Variants in AQP10 observed in about 807,000 individuals in gnomAD.
AQP10 encodes the protein aquaporin 10, also known as aquaporin-10.
AQP10 carries 15 observed loss-of-function variants against 21.0 expected under a neutral mutation model. The ratio of observed to expected loss-of-function variants is 0.71; its 90% confidence interval spans 0.48 to 1.10. The LOEUF (loss-of-function observed/expected upper bound fraction) is 1.10. AQP10 is among the 50% of genes least tolerant of loss of function. The pLI, the probability that AQP10 is intolerant of heterozygous loss-of-function variation, is 0.00. For synonymous variants in AQP10, 143 were observed against 155.7 expected, an observed-to-expected ratio of 0.92 and a Z score of 0.61; for missense variants, 268 against 379.5, an observed-to-expected ratio of 0.71 and a Z score of 2.44.
At chr1:154,322,427 T>C (rs554964391) in intron 2 of AQP10, among the ~76,000 whole-genome samples, 1 of 151,730 alleles carries the variant, frequency 6.6e-6, no homozygotes, top group East Asian at 1.9e-4. Flanking sequence ...TGAGACATAG[T>C]GTGTTGCTGT....
chr1:154,323,821 C>G lies in AQP10; in HGVS notation c.707+15C>G. ...GAAGTCTTCAGGTGGGAGACAGACT[C>G]TCCTGGTGCTGGCCTCCACTCACCT... On this transcript the variant is annotated intron_variant, in intron 5 of 5. Coordinates refer to ENST00000324978, the MANE Select transcript of AQP10 (RefSeq NM_080429.3). This position sits in a 1 kb window ranked among gnomAD's most constrained non-coding sequence, Gnocchi z 4.5. The G allele has an allele frequency of 2.5e-6, 4 of 1,612,728 alleles. No individual in the cohort carries two copies. Among genetic ancestry groups the G allele is most frequent in the Non-Finnish European group, 3.4e-6 (4 of 1,179,382 alleles).
chr1:154,323,689 T>C lies in AQP10; in HGVS notation c.590T>C (p.Leu197Pro). Reference sequence around the variant, plus strand: ...CTGGAGCCTGTGGTGGTGGGGATGCTGATCCTGGCCCTCGGGTTATCCATG... The same window carrying C: ...CTGGAGCCTGTGGTGGTGGGGATGCCGATCCTGGCCCTCGGGTTATCCATG... ...AGLEPVVVGM[L>P]ILALGLSMGA... Residue 197 changes from leucine (L) to proline (P), a missense_variant, in exon 5 of 6, where the codon CTG (leucine) becomes CCG (proline). Transcript: ENST00000324978. This position sits in a 1 kb window ranked among gnomAD's most constrained non-coding sequence, Gnocchi z 4.5. 1 of 1,614,214 alleles carries C rather than the reference T, an allele frequency of 6.2e-7. No homozygotes were observed. Among genetic ancestry groups the C allele is most frequent in the Non-Finnish European group, 8.5e-7 (1 of 1,180,036 alleles).
chr1:154,323,303 A>C lies in AQP10; in HGVS notation c.433A>C (p.Ile145Leu). The change falls in exon 4 of 6, where the codon ATT (isoleucine) becomes CTT (leucine). Residue 145 changes from isoleucine (I) to leucine (L), a missense_variant. By Grantham distance (5) the Ile-to-Leu change is conservative. This residue lies in a region of AQP10 where 229 missense variants were observed against 295.1 expected (regional missense o/e 0.78). Coordinates refer to ENST00000324978, the MANE Select transcript of AQP10 (RefSeq NM_080429.3). The surrounding 1 kb of genome is among the most constrained non-coding windows in gnomAD (Gnocchi z 4.5). ...TVTGPKETASIFATYPAPYLS... is the reference protein window; with the variant it reads ...TVTGPKETASLFATYPAPYLS... Reference sequence around the variant, plus strand: ...GACTGGCCCCAAGGAGACAGCCTCCATTTTTGCCACCTATCCTGCCCCCTA... The same window carrying C: ...GACTGGCCCCAAGGAGACAGCCTCCCTTTTTGCCACCTATCCTGCCCCCTA... 1 of 1,614,090 alleles carries C rather than the reference A, an allele frequency of 6.2e-7. No individual in the cohort carries two copies. Among genetic ancestry groups the C allele is most frequent in the Non-Finnish European group, 8.5e-7 (1 of 1,180,008 alleles).
chr1:154,322,162 T>G (rs1685659658), intron 2 of AQP10, 103 bp downstream of exon 2: 5 of 1,516,932 alleles, frequency 3.3e-6, no homozygotes, highest in Middle Eastern at 3.5e-4. Flanking sequence ...CTCGTGGACA[T>G]TATCCCCTTG....
At position 154,321,153 on chromosome 1, in the gene AQP10, A is replaced by G; in HGVS notation, c.-3A>G. On this transcript the variant is annotated 5_prime_UTR_variant, in exon 1 of 6. Coordinates refer to ENST00000324978, the MANE Select transcript of AQP10 (RefSeq NM_080429.3). ...CAGTGAATAGCAATAGGGTGTTTCC[A>G]CCATGGTCTTCACTCAGGCCCCGGC... 1 of 1,612,560 alleles carries G rather than the reference A, an allele frequency of 6.2e-7. No homozygotes were observed. The highest frequency in any genetic ancestry group is 1.1e-5 in the South Asian group (1 of 90,856).
chr1:154,324,132 C>G, intron 5 of AQP10, 150 bp from the exon 6 acceptor site: 1 of 1,106,346 alleles, frequency 9.0e-7, no homozygotes, highest in Non-Finnish European at 1.2e-6. Context: ...CTTCTAAATA[C>G]TATGCTTTGG....
intron 1 of AQP10, 101 bp downstream of exon 1, chr1:154,321,361 C>T: frequency 2.3e-6 from 2 of 854,574 alleles, no homozygotes; most frequent in Non-Finnish European, 3.5e-6. Context: ...CCCTTCCTCT[C>T]AACTCCCTAT....
chr1:154,324,098 G>C, intron 5 of AQP10, 184 bp from the exon 6 acceptor site: 1 of 1,200,110 alleles, frequency 8.3e-7, no homozygotes, highest in Non-Finnish European at 1.1e-6. Context: ...CAAGAGGCTG[G>C]ACCAAGCTCT....
At position 154,324,849 on chromosome 1, in the gene AQP10, G is replaced by A. The variant is rs962722210; in HGVS notation, c.*369G>A. The stretch of plus-strand genomic sequence containing the variant: ...ATCCAGTGTAGGGCACAACCCTGGG[G>A]ACTGCCCTCCATAGCCTGTCCCGAC... On this transcript the variant is annotated 3_prime_UTR_variant, in exon 6 of 6. Coordinates refer to ENST00000324978, the MANE Select transcript of AQP10 (RefSeq NM_080429.3). 6.0e-6 allele frequency: 1 copy of A among 165,492 alleles called. No homozygotes were observed. Among genetic ancestry groups the A allele is most frequent in the Admixed American group, 6.3e-5 (1 of 15,906 alleles). 10.3% of individuals were successfully genotyped at this position (165,492 alleles called of 1,614,324 possible).
In AQP10 at chr1:154,324,667, A is replaced by G. The variant is rs1286417060; in HGVS notation, c.*187A>G. The G allele has an allele frequency of 7.0e-6, 4 of 574,254 alleles. No homozygotes were observed. The highest frequency in any genetic ancestry group is 7.5e-5 in the Admixed American group (2 of 26,574). The allele number at this position is 574,254 out of a possible 1,614,324, so 35.6% of individuals were successfully genotyped here. ...AGGGAGAAGTGGAGGAGGATAAGGTACCAGGACTCAGGCTTCTCATCCCCT... is the reference window on the plus strand; with the variant it reads ...AGGGAGAAGTGGAGGAGGATAAGGTGCCAGGACTCAGGCTTCTCATCCCCT... On this transcript the variant is annotated 3_prime_UTR_variant, in exon 6 of 6. Coordinates refer to ENST00000324978, the MANE Select transcript of AQP10 (RefSeq NM_080429.3).
chr1:154,322,334 T>C (rs1685663370), intron 2 of AQP10, among the ~76,000 whole-genome samples: 1 of 152,018 alleles, frequency 6.6e-6, no homozygotes, highest in African/African-American at 2.4e-5. Flanking sequence ...CCACCTGAAG[T>C]CCTCTGGGGG....
At chr1:154,321,305 AG>A (rs748256496) in intron 1 of AQP10, 45 bp downstream of exon 1, 15 of 1,492,760 alleles carry the variant, frequency 1.0e-5, no homozygotes, top group African/African-American at 1.4e-5. Context: ...GTTGGGCAAA[AG>A]TTCCTGGCTC....
chr1:154,323,875 C>G lies in AQP10; in HGVS notation c.707+69C>G. 1.3e-6 allele frequency: 2 copies of G among 1,572,516 alleles called. No homozygotes were observed. The highest frequency in any genetic ancestry group is 1.7e-6 in the Non-Finnish European group (2 of 1,157,482). ...TCTGCTAAGGGCTCTGTCCCTGGGT[C>G]CACAGCACTCTGCCTTTAAAATAGC... On this transcript the variant is annotated intron_variant, in intron 5 of 5. Transcript: ENST00000324978. The surrounding 1 kb of genome is among the most constrained non-coding windows in gnomAD (Gnocchi z 4.5).
chr1:154,323,892 T>G lies in AQP10; in HGVS notation c.707+86T>G. 3.2e-6 allele frequency: 5 copies of G among 1,547,686 alleles called. No individual in the cohort carries two copies. The highest frequency in any genetic ancestry group is 4.4e-6 in the Non-Finnish European group (5 of 1,143,092). On this transcript the variant is annotated intron_variant, in intron 5 of 5. Coordinates refer to ENST00000324978, the MANE Select transcript of AQP10 (RefSeq NM_080429.3). The surrounding 1 kb of genome is among the most constrained non-coding windows in gnomAD (Gnocchi z 4.5). ...CCCTGGGTCCACAGCACTCTGCCTT[T>G]AAAATAGCTCTCTTGGCTTCTTAGG...
At position 154,322,996 on chromosome 1, in the gene AQP10, C is replaced by G; in HGVS notation, c.247C>G (p.Pro83Ala). Residue 83 changes from proline (P) to alanine (A), a missense_variant, in exon 3 of 6, where the codon CCA becomes GCA. Pro to Ala is a conservative substitution (Grantham distance 27). Coordinates refer to ENST00000324978, the MANE Select transcript of AQP10 (RefSeq NM_080429.3). ...GGNVSGAHLNPAFSLAMCIVG... is the reference protein window; with the variant it reads ...GGNVSGAHLNAAFSLAMCIVG... ...GATACTTGAAGGGGCCCACCTGAAT[C>G]CAGCCTTCTCCCTGGCCATGTGCAT... 1 of 1,614,196 alleles carries G rather than the reference C, an allele frequency of 6.2e-7. No homozygotes were observed. Among genetic ancestry groups the G allele is most frequent in the Non-Finnish European group, 8.5e-7 (1 of 1,180,036 alleles).
chr1:154,321,203 A>C lies in AQP10; in HGVS notation c.48A>C (p.Ile16=), dbSNP rs961278814. The C allele has an allele frequency of 2.5e-6, 4 of 1,613,742 alleles. No individual in the cohort carries two copies. In the Admixed American group the frequency reaches 5.0e-5, roughly 20 times the overall value. ...CTGAAATCATGGGCCACCTCCGGAT[A>C]CGCAGCCTCCTGGCCCGGCAGTGCC... is the stretch of plus-strand genomic sequence containing the variant. The part of the protein sequence containing the change: ...APAEIMGHLR[I]RSLLARQCLA... The change falls in exon 1 of 6, where the codon ATA becomes ATC. Residue 16 remains isoleucine (I), a synonymous_variant. Coordinates refer to ENST00000324978, the MANE Select transcript of AQP10 (RefSeq NM_080429.3).
Position 154,323,142 on chromosome 1 carries a change from CTGT to C in AQP10, c.370+24_370+26del, listed in dbSNP as rs1315035122. The C allele has an allele frequency of 1.2e-6, 2 of 1,614,144 alleles. No individual in the cohort carries two copies. The highest frequency in any genetic ancestry group is 1.7e-6 in the Non-Finnish European group (2 of 1,180,018). ...ATGGTGACAGAGGGAACAGAGGGAG[CTGT>C]GCCTTGAGAGCACCTGTGGGTGGGC... On this transcript the variant is annotated intron_variant, in intron 3 of 5. Transcript: ENST00000324978. This position sits in a 1 kb window ranked among gnomAD's most constrained non-coding sequence, Gnocchi z 4.5.
Position 154,324,818 on chromosome 1 carries a change from G to A in AQP10, c.*338G>A, listed in dbSNP as rs1570839096. 9.6e-6 allele frequency: 2 copies of A among 207,450 alleles called. No homozygotes were observed. Among genetic ancestry groups the A allele is most frequent in the Non-Finnish European group, 9.9e-6 (1 of 101,466 alleles). The allele number at this position is 207,450 out of a possible 1,614,324, so 12.9% of individuals were successfully genotyped here. A position where few individuals can be genotyped will look rare whatever the true frequency, so the allele number is the denominator to read the frequency against. ...TGCGGGCATCTGCAGGGTGGAGGGGGCCACCATCCAGTGTAGGGCACAACC... is the reference window on the plus strand; with the variant it reads ...TGCGGGCATCTGCAGGGTGGAGGGGACCACCATCCAGTGTAGGGCACAACC... On this transcript the variant is annotated 3_prime_UTR_variant, in exon 6 of 6. Coordinates refer to ENST00000324978, the MANE Select transcript of AQP10 (RefSeq NM_080429.3).
At chr1:154,322,763 G>T (rs1245957076) in intron 2 of AQP10, among the ~76,000 whole-genome samples, 1 of 152,114 alleles carries the variant, frequency 6.6e-6, no homozygotes, top group Non-Finnish European at 1.5e-5. Flanking sequence ...CTCCCAAAGT[G>T]CTGGGATTAC....
Sources: allele counts gnomAD v4.1 joint callset (sites outside exome capture counted in the v4.1 genomes callset), GRCh38; gene constraint gnomAD v4.1.1; regional missense constraint gnomAD v4.1.1; non-coding constraint Gnocchi (gnomAD v3.1); transcripts MANE v1.5; gene names NCBI Gene and HGNC (gene_info 2026-07-23, HGNC 2026-07-21).